CTNNA3: variants seen among roughly 807,000 people sequenced by gnomAD.
CTNNA3 encodes catenin alpha-3.
Under a neutral mutation model 95.7 loss-of-function variants are expected in CTNNA3, and 76 were observed. That is an observed-to-expected ratio of 0.79 (90% CI 0.66 to 0.96). The LOEUF (loss-of-function observed/expected upper bound fraction) is 0.96. CTNNA3 is among the 40% of genes least tolerant of loss of function. The probability of loss-of-function intolerance (pLI) is 0.00; values close to 1 mark genes in which losing one functional copy is unlikely to be tolerated. For synonymous variants in CTNNA3, 431 were observed against 374.4 expected (o/e 1.15, Z -1.74); for missense variants, 1,191 against 1,089.8 (o/e 1.09, Z -1.31).
intron 7 of CTNNA3, among the ~76,000 whole-genome samples, chr10:67,002,104 C>T (rs367645781): frequency 9.9e-5 from 15 of 152,100 alleles, no homozygotes; most frequent in Admixed American, 5.9e-4. Flanking sequence ...AAAATGAGAT[C>T]GTTGGATTCA....
chr10:66,785,527 C>T (rs973070531), intron 7 of CTNNA3, among the ~76,000 whole-genome samples: 1 of 152,116 alleles, frequency 6.6e-6, no homozygotes, highest in Non-Finnish European at 1.5e-5. Flanking sequence ...TCTCCTGGTT[C>T]GCAGGCTTTC....
chr10:66,401,009 T>C (rs2093015878), intron 11 of CTNNA3, among the ~76,000 whole-genome samples: 1 of 152,096 alleles, frequency 6.6e-6, no homozygotes, highest in African/African-American at 2.4e-5. Flanking sequence ...TATGTCATAA[T>C]ATAGAGAAGC....
chr10:66,844,025 G>A (rs1843162881), intron 7 of CTNNA3, among the ~76,000 whole-genome samples: 1 of 152,194 alleles, frequency 6.6e-6, no homozygotes, highest in Non-Finnish European at 1.5e-5. Context: ...GATCCAGAGA[G>A]CCCTGTTTTG....
chr10:66,693,556 A>G (rs1847641512), intron 9 of CTNNA3, among the ~76,000 whole-genome samples: 1 of 151,746 alleles, frequency 6.6e-6, no homozygotes, highest in African/African-American at 2.4e-5. Flanking sequence ...GATCAACGAG[A>G]CAGAAAGTTA....
In CTNNA3 at chr10:67,596,966, C is replaced by T. The variant is rs562814734; in HGVS notation, c.292+9891G>A. On this transcript the variant is annotated intron_variant, in intron 3 of 17. Transcript: ENST00000433211. ...TCTCAGAGGTTTTCTCCTTTTTTGTCTTTTTCCTTTATTTTTATCTGACTG... is the reference window on the plus strand; with the variant it reads ...TCTCAGAGGTTTTCTCCTTTTTTGTTTTTTTCCTTTATTTTTATCTGACTG... Among the ~76,000 whole-genome samples, 6 of 152,160 alleles carry T rather than the reference C, an allele frequency of 3.9e-5. No individual in the cohort carries two copies. The South Asian group carries it at 1.0e-3, about 26-fold the overall frequency.
chr10:67,369,698 T>C (rs564383585), intron 5 of CTNNA3, among the ~76,000 whole-genome samples: 32 of 152,246 alleles, frequency 2.1e-4, no homozygotes, highest in African/African-American at 5.8e-4. Context: ...TGAACAAATA[T>C]GCATATGTAC....
At chr10:65,934,427 T>C (rs1305868555) in intron 17 of CTNNA3, among the ~76,000 whole-genome samples, 1 of 151,672 alleles carries the variant, frequency 6.6e-6, no homozygotes, top group Non-Finnish European at 1.5e-5. Flanking sequence ...CACTGGCTTA[T>C]CTAACTCCCA....
intron 12 of CTNNA3, among the ~76,000 whole-genome samples, chr10:66,293,914 C>T (rs576923708): frequency 3.9e-5 from 6 of 152,140 alleles, no homozygotes; most frequent in African/African-American, 1.2e-4. Context: ...ATCTGCCCAC[C>T]TCTGCCTCCC....
chr10:66,050,114 C>T, intron 15 of CTNNA3, among the ~76,000 whole-genome samples: 1 of 151,932 alleles, frequency 6.6e-6, no homozygotes, highest in African/African-American at 2.4e-5. Context: ...TTTCACATAG[C>T]CTACCCTGAG....
chr10:66,033,231 C>T (rs953512683), intron 15 of CTNNA3, among the ~76,000 whole-genome samples: 2 of 149,492 alleles, frequency 1.3e-5, no homozygotes, highest in South Asian at 2.1e-4. Context: ...GCTGGGTTCA[C>T]GCCATTCTCC....
chr10:66,962,504 G>T (rs1849169915), intron 7 of CTNNA3, among the ~76,000 whole-genome samples: 1 of 151,812 alleles, frequency 6.6e-6, no homozygotes, highest in African/African-American at 2.4e-5. Flanking sequence ...CCATCTCCCG[G>T]GTTCAAGCGA....
chr10:66,369,824 C>T (rs933554667), intron 12 of CTNNA3, among the ~76,000 whole-genome samples: 3 of 152,102 alleles, frequency 2.0e-5, no homozygotes, highest in African/African-American at 7.2e-5. Flanking sequence ...ATAGGTACTG[C>T]TCACCTAAGA....
rs546612677 is a variant in CTNNA3, at chr10:66,884,390, G to A, written c.1048-108866C>T. Among the ~76,000 whole-genome samples the A allele has an allele frequency of 9.2e-5, 14 of 152,148 alleles. No individual in the cohort carries two copies. The South Asian group carries it at 2.7e-3, about 29-fold the overall frequency. ...TGCTACCAATGAAGAGAATATGGAG[G>A]AATTGTATGATTTTCAAGCCTAGGT... On this transcript the variant is annotated intron_variant, in intron 7 of 17. Coordinates refer to ENST00000433211, the MANE Select transcript of CTNNA3 (RefSeq NM_013266.4).
At chr10:65,929,571 C>CTTT (rs1273919265) in intron 17 of CTNNA3, among the ~76,000 whole-genome samples, 1 of 143,192 alleles carries the variant, frequency 7.0e-6, no homozygotes, top group Non-Finnish European at 1.5e-5. Context: ...TTCTTTCTTT[C>CTTT]TTTTTTTTTT....
chr10:67,705,706 C>A (rs867523657), intron 1 of CTNNA3, among the ~76,000 whole-genome samples: 2,626 of 148,240 alleles, frequency 0.018, 77 homozygotes, highest in African/African-American at 0.062. Context: ...TGCAGCACAC[C>A]AGCATGGCAC....
At chr10:65,998,379 T>C (rs982583950) in intron 15 of CTNNA3, among the ~76,000 whole-genome samples, 1 of 152,180 alleles carries the variant, frequency 6.6e-6, no homozygotes, top group Non-Finnish European at 1.5e-5. Context: ...CTTCCCTTTT[T>C]TGAAAAAAAA....
At chr10:67,444,699 A>C (rs2132943458) in intron 5 of CTNNA3, among the ~76,000 whole-genome samples, 1 of 63,772 alleles carries the variant, frequency 1.6e-5, no homozygotes, top group East Asian at 3.4e-4. Context: ...ATAAAATCAG[A>C]GATTAAAAAA....
chr10:66,861,502 C>A (rs1843926514), intron 7 of CTNNA3, among the ~76,000 whole-genome samples: 1 of 152,180 alleles, frequency 6.6e-6, no homozygotes, highest in South Asian at 2.1e-4. Context: ...TGCCTTGTGC[C>A]TGAGCTGCTG....
intron 7 of CTNNA3, among the ~76,000 whole-genome samples, chr10:67,147,817 T>C (rs967254366): frequency 1.3e-5 from 2 of 152,218 alleles, no homozygotes; most frequent in Non-Finnish European, 2.9e-5. Flanking sequence ...AACATTACTT[T>C]CATAGCAGTT....
Sources: gnomAD v4.1 joint callset for allele counts (sites outside exome capture counted in the v4.1 genomes callset) on GRCh38, gnomAD v4.1.1 for gene constraint, MANE v1.5 for transcripts, NCBI Gene and HGNC (gene_info 2026-07-23, HGNC 2026-07-21) for gene names.